HARBI1: variants seen among roughly 807,000 people sequenced by gnomAD.
HARBI1 encodes putative nuclease HARBI1.
A neutral mutation model predicts 25.3 loss-of-function variants in HARBI1; 15 were observed. The ratio of observed to expected loss-of-function variants is 0.59; its 90% confidence interval spans 0.40 to 0.91. The LOEUF is 0.91. Among genes scored for constraint, HARBI1 ranks in the 40% least tolerant of loss-of-function variants. The pLI is 0.00. For synonymous variants in HARBI1, 168 were observed against 160.5 expected (o/e 1.05, Z -0.35); for missense variants, 396 against 445.8 (o/e 0.89, Z 1.01).
chr11:46,606,766 C>T (rs2044969760), intron 2 of HARBI1, among the ~76,000 whole-genome samples: 1 of 152,178 alleles, frequency 6.6e-6, no homozygotes, highest in Admixed American at 6.5e-5. Context: ...ACACACCCTC[C>T]TGAGTAGCTG....
rs779097619 is a variant in HARBI1 at position 46,603,921 on chromosome 11, G to C, written c.671-12C>G. The C allele has an allele frequency of 1.3e-5, 20 of 1,591,582 alleles. No homozygotes were observed. Among genetic ancestry groups the C allele is most frequent in the African/African-American group, 2.7e-5 (2 of 74,114 alleles). ...GAAGGAACTGTCACCTGTGGGGAAG[G>C]CCCAAATAAATCATAAATGACTATA... is the stretch of plus-strand genomic sequence containing the variant. On this transcript the variant is annotated splice_polypyrimidine_tract_variant and intron_variant, in intron 2 of 2. Transcript: ENST00000326737.
chr11:46,607,788 A>G (rs752794453), intron 2 of HARBI1, among the ~76,000 whole-genome samples: 5 of 152,282 alleles, frequency 3.3e-5, no homozygotes, highest in Non-Finnish European at 7.4e-5. Context: ...AGCTAAAGAA[A>G]TAAGAACTGA....
chr11:46,616,057 T>C lies in HARBI1; in HGVS notation c.181A>G (p.Thr61Ala), dbSNP rs750803133. The part of the protein sequence containing the change: ...ELLGANLSRP[T>A]QRSRAISPET... ...GGGCTAATAGCCCTGGATCGCTGAG[T>C]AGGCCTAGAAAGATTCGCCCCCAAG... Residue 61 changes from threonine (T) to alanine (A), a missense_variant, in exon 2 of 3, where the codon ACT (threonine) becomes GCT (alanine). Physicochemically the swap from Thr to Ala is moderately conservative, Grantham distance 58. Transcript: ENST00000326737. The C allele has an allele frequency of 2.5e-6, 4 of 1,614,088 alleles. No homozygotes were observed. The Admixed American group carries it at 5.0e-5, about 20-fold the overall frequency.
Position 46,615,770 on chromosome 11 carries a change from C to G in HARBI1, c.468G>C (p.Lys156Asn), listed in dbSNP as rs770603042. The change falls in exon 2 of 3, where the codon AAG (lysine) becomes AAC (asparagine). Residue 156 changes from lysine to asparagine, a missense_variant. Physicochemically the swap from Lys to Asn is moderately conservative, Grantham distance 94. Coordinates refer to ENST00000326737, the MANE Select transcript of HARBI1 (RefSeq NM_173811.4). ...AGGAGAGGTCTTCAGCATTTGGTGC[C>G]TTGATGGCCACATGGATACAGTCAA... The part of the protein sequence containing the change: ...GVVDCIHVAI[K>N]APNAEDLSYV... The G allele has an allele frequency of 1.2e-6, 2 of 1,614,142 alleles. No individual in the cohort carries two copies. Among genetic ancestry groups the G allele is most frequent in the East Asian group, 2.2e-5 (1 of 44,880 alleles).
intron 2 of HARBI1, among the ~76,000 whole-genome samples, chr11:46,610,403 G>A (rs2045132351): frequency 6.6e-6 from 1 of 151,092 alleles, no homozygotes; most frequent in Non-Finnish European, 1.5e-5. Flanking sequence ...GCTCACGCCT[G>A]TAATCCCAGC....
intron 2 of HARBI1, among the ~76,000 whole-genome samples, chr11:46,609,856 T>G (rs1469545908): frequency 1.3e-5 from 2 of 148,416 alleles, no homozygotes; most frequent in Non-Finnish European, 3.0e-5. Context: ...AAGAATTTTT[T>G]TTTTTTTTTT....
Position 46,616,185 on chromosome 11 carries a change from C to T in HARBI1, c.53G>A (p.Gly18Asp), listed in dbSNP as rs199752792. 9 of 1,613,302 alleles carry T rather than the reference C, an allele frequency of 5.6e-6. No individual in the cohort carries two copies. Among genetic ancestry groups the T allele is most frequent in the Admixed American group, 1.7e-5 (1 of 60,024 alleles). Reference protein sequence around the residue: ...LDCDLLLYGRGHRTLDRFKLD... With the variant: ...LDCDLLLYGRDHRTLDRFKLD... The stretch of plus-strand genomic sequence containing the variant: ...CTTAAAACGGTCCAATGTCCGGTGA[C>T]CACGGCCATATAGCAAGAGGTCACA... Residue 18 changes from glycine (G) to aspartate (D), a missense_variant, in exon 2 of 3, where the codon GGT (glycine) becomes GAT (aspartate). Transcript: ENST00000326737.
chr11:46,614,972 G>GCGCGAT (rs2045319258), intron 2 of HARBI1, among the ~76,000 whole-genome samples: 1 of 152,160 alleles, frequency 6.6e-6, no homozygotes, highest in Non-Finnish European at 1.5e-5. Flanking sequence ...GAGTGCACTG[G>GCGCGAT]CGCGATCTTG....
intron 2 of HARBI1, chr11:46,604,584 T>C: frequency 2.0e-6 from 2 of 985,390 alleles, no homozygotes; most frequent in Non-Finnish European, 1.2e-6. Context: ...AGGGGAAGTC[T>C]TAACTTTACC....
At position 46,617,155 on chromosome 11, in the gene HARBI1, T is replaced by C; in HGVS notation, c.-176A>G. On this transcript the variant is annotated 5_prime_UTR_variant, in exon 1 of 3. Transcript: ENST00000326737. ...GCGGCTGCCAGGTTACCAGCCACAC[T>C]TCCCACCCACCCAGCCGGGTTGGGC... 1 of 278,606 alleles carries C rather than the reference T, an allele frequency of 3.6e-6. No individual in the cohort carries two copies. Among genetic ancestry groups the C allele is most frequent in the Non-Finnish European group, 5.4e-6 (1 of 183,834 alleles). The allele number at this position is 278,606 out of a possible 1,614,324, so 17.3% of individuals were successfully genotyped here. A position where few individuals can be genotyped will look rare whatever the true frequency, so the allele number is the denominator to read the frequency against.
chr11:46,611,140 T>C (rs1361915365), intron 2 of HARBI1, among the ~76,000 whole-genome samples: 3 of 151,346 alleles, frequency 2.0e-5, no homozygotes, highest in Non-Finnish European at 2.9e-5. Context: ...CCGGAGTAGC[T>C]GGGACTACAG....
At chr11:46,615,483 C>T in intron 2 of HARBI1, 85 bp downstream of exon 2, 1 of 1,118,144 alleles carries the variant, frequency 8.9e-7, no homozygotes, top group South Asian at 1.4e-5. Context: ...TCCCAAAGTG[C>T]TGGGGTTGTG....
At chr11:46,616,830 GC>G (rs1565363440) in intron 1 of HARBI1, 3 of 72,668 alleles carry the variant, frequency 4.1e-5, no homozygotes, top group Non-Finnish European at 3.2e-5. Flanking sequence ...AAAAGAAGGG[GC>G]AAAAAAAAAA....
intron 2 of HARBI1, among the ~76,000 whole-genome samples, chr11:46,612,740 G>C (rs529268614): frequency 6.8e-6 from 1 of 146,796 alleles, no homozygotes; most frequent in South Asian, 2.1e-4. Context: ...GTGCGATCTC[G>C]ACTCACTGCA....
Position 46,611,692 on chromosome 11 carries a change from CAG to C in HARBI1, c.670+3874_670+3875del, listed in dbSNP as rs760082748. On this transcript the variant is annotated intron_variant, in intron 2 of 2. Coordinates refer to ENST00000326737, the MANE Select transcript of HARBI1 (RefSeq NM_173811.4). ...CACCACTGCACTCCAGCCTGGGTGA[CAG>C]AGTGAGACCCCGTGACAAAAAAAAA... Among the ~76,000 whole-genome samples the C allele has an allele frequency of 1.6e-3, 231 of 147,096 alleles. 3 individuals are homozygous for C. The highest frequency in any genetic ancestry group is 2.4e-3 in the Non-Finnish European group (161 of 67,252).
Sources: allele counts gnomAD v4.1 joint callset (sites outside exome capture counted in the v4.1 genomes callset), GRCh38; gene constraint gnomAD v4.1.1; transcripts MANE v1.5; gene names NCBI Gene and HGNC (gene_info 2026-07-23, HGNC 2026-07-21).